Variants in OSBPL10 observed in about 807,000 individuals in gnomAD.
OSBPL10 encodes the protein oxysterol binding protein like 10, also known as oxysterol-binding protein-related protein 10.
Under a neutral mutation model 81.7 loss-of-function variants are expected in OSBPL10, and 49 were observed. That is an observed-to-expected ratio of 0.60 (90% CI 0.48 to 0.76). OSBPL10 has a LOEUF of 0.76. Among genes scored for constraint, OSBPL10 ranks in the 30% least tolerant of loss-of-function variants. The pLI, the probability that OSBPL10 is intolerant of heterozygous loss-of-function variation, is 0.00. For missense variants in OSBPL10, 923 were observed against 987.8 expected, an observed-to-expected ratio of 0.93 and a Z score of 0.88; for synonymous variants, 419 against 383.6, an observed-to-expected ratio of 1.09 and a Z score of -1.08.
chr3:31,739,914 T>C (rs998569596), intron 5 of OSBPL10, among the ~76,000 whole-genome samples: 1 of 152,208 alleles, frequency 6.6e-6, no homozygotes, highest in Non-Finnish European at 1.5e-5. Flanking sequence ...TAACTACTTA[T>C]CTTAACTACT....
chr3:31,993,899 C>CAA (rs377747870), intron 2 of OSBPL10, among the ~76,000 whole-genome samples: 1 of 150,684 alleles, frequency 6.6e-6, no homozygotes, highest in African/African-American at 2.4e-5. Flanking sequence ...TATGTTTGTA[C>CAA]AAAAAAAAAC....
chr3:31,839,950 T>C (rs927535745), intron 3 of OSBPL10, among the ~76,000 whole-genome samples: 1 of 68,310 alleles, frequency 1.5e-5, no homozygotes, highest in Non-Finnish European at 3.8e-5. Context: ...TAAATTGTTA[T>C]TTGCATACAA....
chr3:31,728,958 G>A (rs966765427), intron 6 of OSBPL10, among the ~76,000 whole-genome samples: 2 of 152,166 alleles, frequency 1.3e-5, no homozygotes, highest in South Asian at 2.1e-4. Flanking sequence ...TGAGTGTCAT[G>A]TCGGCCTTTA....
At chr3:31,792,289 T>C (rs950959937) in intron 4 of OSBPL10, among the ~76,000 whole-genome samples, 1 of 152,012 alleles carries the variant, frequency 6.6e-6, no homozygotes, top group African/African-American at 2.4e-5. Context: ...GAACATTCCT[T>C]GAGCTTTCAA....
intron 1 of OSBPL10, among the ~76,000 whole-genome samples, chr3:31,928,437 G>C (rs1697139882): frequency 6.6e-6 from 1 of 151,934 alleles, no homozygotes; most frequent in African/African-American, 2.4e-5. Flanking sequence ...TTGATTCGGA[G>C]GACACAGACC....
At chr3:31,886,440 G>C (rs1695738459) in intron 1 of OSBPL10, among the ~76,000 whole-genome samples, 2 of 152,220 alleles carry the variant, frequency 1.3e-5, no homozygotes, top group Non-Finnish European at 2.9e-5. Context: ...CCACGTGAAA[G>C]AGGAATGAGC....
intron 2 of OSBPL10, chr3:31,989,725 T>C: frequency 6.2e-7 from 1 of 1,614,116 alleles, no homozygotes; most frequent in Non-Finnish European, 8.5e-7. Flanking sequence ...CCATTCATCA[T>C]TACTCACACT....
chr3:31,732,858 T>C (rs776551621), intron 6 of OSBPL10: 46 of 247,168 alleles, frequency 1.9e-4, no homozygotes, highest in Admixed American at 2.2e-4. Context: ...GAGTCGAGCA[T>C]GTGAGGCAAG....
At chr3:31,690,090 T>C (rs1457352084) in intron 7 of OSBPL10, among the ~76,000 whole-genome samples, 1 of 151,968 alleles carries the variant, frequency 6.6e-6, no homozygotes, top group African/African-American at 2.4e-5. Context: ...TGGGAGTTGA[T>C]ATGGTTTGGA....
intron 5 of OSBPL10, among the ~76,000 whole-genome samples, chr3:31,746,990 A>G (rs1370974189): frequency 6.6e-6 from 1 of 152,138 alleles, no homozygotes; most frequent in African/African-American, 2.4e-5. Flanking sequence ...TAAAAAAAAG[A>G]AAAGATAGAA....
intron 1 of OSBPL10, among the ~76,000 whole-genome samples, chr3:31,930,185 A>G (rs1388923555): frequency 6.6e-6 from 1 of 151,868 alleles, no homozygotes; most frequent in Non-Finnish European, 1.5e-5. Flanking sequence ...TAATTAAAAA[A>G]CAGTTCACAG....
chr3:31,926,981 C>T (rs1697093353), intron 1 of OSBPL10, among the ~76,000 whole-genome samples: 1 of 152,064 alleles, frequency 6.6e-6, no homozygotes, highest in South Asian at 2.1e-4. Context: ...TATGGTGGCA[C>T]ATGCCTGTAA....
At chr3:31,861,188 G>A (rs779288717) in intron 3 of OSBPL10, among the ~76,000 whole-genome samples, 22 of 151,934 alleles carry the variant, frequency 1.4e-4, no homozygotes, top group Non-Finnish European at 2.4e-4. Flanking sequence ...GTCAGTTTGG[G>A]GGTCATTAGG....
rs538020890 is a variant in OSBPL10, at chr3:31,980,919, G to A, written c.261C>T (p.Leu87=). Residue 87 remains leucine (L), a synonymous_variant, in exon 1 of 12, where the codon CTC becomes CTT. Coordinates refer to ENST00000396556, the MANE Select transcript of OSBPL10 (RefSeq NM_017784.5). ...GTTACCTGTTCTGCCAGCCCTGGAGGAGGTTGGTGTATTTGCTGAGCACGC... is the reference window on the plus strand; with the variant it reads ...GTTACCTGTTCTGCCAGCCCTGGAGAAGGTTGGTGTATTTGCTGAGCACGC... ...LEGVLSKYTN[L]LQGWQNRYFV... 502 of 1,580,252 alleles carry A rather than the reference G, an allele frequency of 3.2e-4. No individual in the cohort carries two copies. Among genetic ancestry groups the A allele is most frequent in the Non-Finnish European group, 3.9e-4 (454 of 1,166,558 alleles).
intron 8 of OSBPL10, among the ~76,000 whole-genome samples, chr3:31,680,504 G>T (rs1179220771): frequency 1.3e-5 from 2 of 152,194 alleles, no homozygotes; most frequent in African/African-American, 4.8e-5. Context: ...TGTGAATTAT[G>T]CATGGGTTCC....
At chr3:32,047,255 G>A (rs1288594698) in intron 1 of OSBPL10, among the ~76,000 whole-genome samples, 6 of 152,098 alleles carry the variant, frequency 3.9e-5, no homozygotes, top group Non-Finnish European at 7.4e-5. Context: ...AGGATTACAG[G>A]CTGAGCCACC....
intron 1 of OSBPL10, among the ~76,000 whole-genome samples, chr3:31,959,026 G>A (rs1199364176): frequency 2.6e-5 from 4 of 152,172 alleles, no homozygotes; most frequent in Non-Finnish European, 5.9e-5. Context: ...CAGGGCCCTA[G>A]AAGACACTTC....
At chr3:31,864,996 G>A (rs1701141821) in intron 3 of OSBPL10, among the ~76,000 whole-genome samples, 1 of 151,896 alleles carries the variant, frequency 6.6e-6, no homozygotes, top group Non-Finnish European at 1.5e-5. Context: ...TGAGGCAAGT[G>A]GACAAGTGAA....
At chr3:31,777,387 C>A (rs1698574382) in intron 4 of OSBPL10, among the ~76,000 whole-genome samples, 2 of 152,082 alleles carry the variant, frequency 1.3e-5, no homozygotes, top group African/African-American at 4.8e-5. Flanking sequence ...GCTATTGTCC[C>A]CCTAGCCTGC....
Sources: gnomAD v4.1 joint callset for allele counts (sites outside exome capture counted in the v4.1 genomes callset) on GRCh38, gnomAD v4.1.1 for gene constraint, MANE v1.5 for transcripts, NCBI Gene and HGNC (gene_info 2026-07-23, HGNC 2026-07-21) for gene names.